Variants in DOCK3 observed in about 807,000 individuals in gnomAD.
DOCK3 encodes the protein dedicator of cytokinesis protein 3.
In DOCK3, 60 loss-of-function variants were observed where a neutral mutation model predicts 265.6. The ratio of observed to expected loss-of-function variants is 0.23; its 90% confidence interval spans 0.18 to 0.28. The LOEUF (loss-of-function observed/expected upper bound fraction) is 0.28. DOCK3 is among the 10% of genes least tolerant of loss of function. DOCK3 has a pLI of 1.00. For missense variants in DOCK3, 1,981 were observed against 2,594.3 expected, an observed-to-expected ratio of 0.76 and a Z score of 5.14; for synonymous variants, 881 against 938.0, an observed-to-expected ratio of 0.94 and a Z score of 1.11.
chr3:51,376,043 C>T (rs2110555499), intron 51 of DOCK3, among the ~76,000 whole-genome samples: 1 of 152,326 alleles, frequency 6.6e-6, no homozygotes, highest in Non-Finnish European at 1.5e-5. Context: ...CCTCCTTCCT[C>T]AGGGCCTACC....
chr3:51,195,371 G>A (rs983030555), intron 12 of DOCK3, among the ~76,000 whole-genome samples: 7 of 151,928 alleles, frequency 4.6e-5, no homozygotes, highest in African/African-American at 1.7e-4. Flanking sequence ...CTTTCTCTGT[G>A]TGATTACTTT....
intron 5 of DOCK3, among the ~76,000 whole-genome samples, chr3:51,036,633 G>C (rs895060720): frequency 2.6e-5 from 4 of 152,026 alleles, no homozygotes; most frequent in African/African-American, 9.7e-5. Flanking sequence ...TTCCAGCTAA[G>C]GCTCCATTTC....
chr3:50,997,838 C>G (rs114818020), intron 5 of DOCK3, among the ~76,000 whole-genome samples: 1,721 of 152,112 alleles, frequency 0.011, 43 homozygotes, highest in African/African-American at 0.039. Context: ...TGGCCAATTA[C>G]CAAGAAGAGA....
chr3:51,219,045 A>G (rs1197201065), intron 14 of DOCK3, among the ~76,000 whole-genome samples: 1 of 152,082 alleles, frequency 6.6e-6, no homozygotes, highest in Non-Finnish European at 1.5e-5. Flanking sequence ...CTTTGGACAT[A>G]TCTATTAGAA....
intron 2 of DOCK3, among the ~76,000 whole-genome samples, chr3:50,816,084 G>A (rs2044057867): frequency 6.6e-6 from 1 of 151,886 alleles, no homozygotes; most frequent in Non-Finnish European, 1.5e-5. Flanking sequence ...TGAGTATGTG[G>A]CACTTAACAT....
At chr3:50,806,019 T>G (rs967642440) in intron 2 of DOCK3, among the ~76,000 whole-genome samples, 29 of 152,168 alleles carry the variant, frequency 1.9e-4, no homozygotes, top group Non-Finnish European at 3.8e-4. Context: ...TCAGCTGGCC[T>G]GGGGGTGCTT....
At chr3:51,132,915 C>T (rs565757882) in intron 9 of DOCK3, among the ~76,000 whole-genome samples, 2 of 152,254 alleles carry the variant, frequency 1.3e-5, no homozygotes, top group Non-Finnish European at 2.9e-5. Flanking sequence ...CCCTCCCCGA[C>T]CCAAGCTGCC....
chr3:51,200,693 G>A (rs2107998146), intron 12 of DOCK3, among the ~76,000 whole-genome samples: 1 of 151,870 alleles, frequency 6.6e-6, no homozygotes, highest in African/African-American at 2.4e-5. Flanking sequence ...GATTCTCCTC[G>A]AGAAGAGCAA....
chr3:50,714,728 C>T (rs913946763), intron 1 of DOCK3, among the ~76,000 whole-genome samples: 2 of 152,210 alleles, frequency 1.3e-5, no homozygotes, highest in African/African-American at 2.4e-5. Flanking sequence ...TGAGCCACTG[C>T]ACCCAGCTTC....
chr3:51,314,825 A>C (rs915365656), intron 31 of DOCK3, among the ~76,000 whole-genome samples, 155 bp from the exon 32 acceptor site: 5 of 152,206 alleles, frequency 3.3e-5, no homozygotes, highest in Non-Finnish European at 7.3e-5. Flanking sequence ...AACTCTAAAA[A>C]GTTGAGGGAG....
intron 5 of DOCK3, among the ~76,000 whole-genome samples, chr3:50,966,444 C>G (rs1401220855): frequency 7.1e-6 from 1 of 140,968 alleles, no homozygotes; most frequent in African/African-American, 2.6e-5. Context: ...TACAAGGATT[C>G]TCTTTTCTCT....
At chr3:51,356,328 C>T (rs2086360301) in intron 42 of DOCK3, 73 bp downstream of exon 42, 16 of 1,611,758 alleles carry the variant, frequency 9.9e-6, no homozygotes, top group Non-Finnish European at 1.3e-5. Flanking sequence ...TGGGAACTCA[C>T]CACTGTTTTA....
chr3:50,715,072 G>A (rs1357383748), intron 1 of DOCK3, among the ~76,000 whole-genome samples: 1 of 152,258 alleles, frequency 6.6e-6, no homozygotes, highest in African/African-American at 2.4e-5. Flanking sequence ...AGCTTTGAAA[G>A]GACAGCATCT....
In DOCK3 at chr3:50,675,426, C is replaced by CGAGCGCGGGGT. The variant is rs2033868195; in HGVS notation, c.37+128_37+138dup. 1 of 897,574 alleles carries CGAGCGCGGGGT rather than the reference C, an allele frequency of 1.1e-6. No homozygotes were observed. The allele number at this position is 897,574 out of a possible 1,614,324, so 55.6% of individuals were successfully genotyped here. ...CAGGCTGCGCGGCCTCGGCGCGGGG[C>CGAGCGCGGGGT]GAGCGCGGGGTGGGGGCAGGTGCGG... On this transcript the variant is annotated intron_variant, in intron 1 of 52. Coordinates refer to ENST00000266037, the MANE Select transcript of DOCK3 (RefSeq NM_004947.5). The surrounding 1 kb of genome is among the most constrained non-coding windows in gnomAD (Gnocchi z 6.1).
chr3:50,697,180 C>A (rs1402431160), intron 1 of DOCK3, among the ~76,000 whole-genome samples: 2 of 152,060 alleles, frequency 1.3e-5, no homozygotes, highest in Non-Finnish European at 2.9e-5. Flanking sequence ...ATCCACCCGC[C>A]TCAGCCTCCC....
chr3:51,083,916 G>T (rs998715072), intron 7 of DOCK3, among the ~76,000 whole-genome samples: 1 of 152,046 alleles, frequency 6.6e-6, no homozygotes. Context: ...CCCAGGAGGC[G>T]AAGGTTGCAG....
chr3:51,263,887 C>G (rs1024610628), intron 23 of DOCK3, among the ~76,000 whole-genome samples: 1 of 152,118 alleles, frequency 6.6e-6, no homozygotes, highest in African/African-American at 2.4e-5. Flanking sequence ...TATATATGCA[C>G]CCATTAGAGG....
chr3:51,078,428 T>C (rs2082123895), intron 7 of DOCK3, among the ~76,000 whole-genome samples: 1 of 151,996 alleles, frequency 6.6e-6, no homozygotes, highest in South Asian at 2.1e-4. Context: ...ACTGAAGGAA[T>C]CATATTAAAA....
At chr3:51,206,299 A>G (rs1487242844) in intron 12 of DOCK3, among the ~76,000 whole-genome samples, 1 of 152,252 alleles carries the variant, frequency 6.6e-6, no homozygotes, top group East Asian at 1.9e-4. Flanking sequence ...CAAATATTAT[A>G]TTAAGCACTT....
Sources: gnomAD v4.1 joint callset for allele counts (sites outside exome capture counted in the v4.1 genomes callset) on GRCh38, gnomAD v4.1.1 for gene constraint, Gnocchi (gnomAD v3.1) non-coding constraint, MANE v1.5 for transcripts, NCBI Gene and HGNC (gene_info 2026-07-23, HGNC 2026-07-21) for gene names.